Variants in SCN8A observed in about 807,000 individuals in gnomAD.
SCN8A encodes the protein sodium channel protein type 8 subunit alpha.
Under a neutral mutation model 184.1 loss-of-function variants are expected in SCN8A, and 30 were observed. The observed-to-expected ratio is 0.16, with a 90% CI of 0.12 to 0.22. The LOEUF (loss-of-function observed/expected upper bound fraction) is 0.22. Ranked by LOEUF, SCN8A falls within the 10% of genes least tolerant of loss-of-function variation. SCN8A has a pLI of 1.00. For missense variants in SCN8A, 1,057 were observed against 2,498.9 expected, an observed-to-expected ratio of 0.42 and a Z score of 12.30; for synonymous variants, 852 against 907.0, an observed-to-expected ratio of 0.94 and a Z score of 1.09.
intron 1 of SCN8A, among the ~76,000 whole-genome samples, chr12:51,643,806 A>T (rs1446995319): frequency 6.6e-6 from 1 of 152,266 alleles, no homozygotes; most frequent in East Asian, 1.9e-4. Flanking sequence ...CTTCCTGTCC[A>T]ACACAGAAAT....
chr12:51,697,900 G>C (rs1402108302), intron 6 of SCN8A, among the ~76,000 whole-genome samples: 1 of 152,222 alleles, frequency 6.6e-6, no homozygotes, highest in African/African-American at 2.4e-5. Context: ...CCAGGCTGGA[G>C]TGCAGTGGCG....
At chr12:51,636,986 A>T (rs113205832) in intron 1 of SCN8A, among the ~76,000 whole-genome samples, 1 of 151,838 alleles carries the variant, frequency 6.6e-6, no homozygotes, top group African/African-American at 2.4e-5. Context: ...TGTCGGGACC[A>T]TTTTTTCCAG....
chr12:51,651,568 A>ACCATCAGATCTCAGGAG (rs1289718376), intron 1 of SCN8A, among the ~76,000 whole-genome samples: 11 of 152,168 alleles, frequency 7.2e-5, no homozygotes, highest in African/African-American at 2.7e-4. Context: ...CCCTGATAAA[A>ACCATCAGATCTCAGGAG]CCATCAGATC....
At chr12:51,638,797 TCTAAC>T (rs1940376832) in intron 1 of SCN8A, among the ~76,000 whole-genome samples, 1 of 152,066 alleles carries the variant, frequency 6.6e-6, no homozygotes, top group African/African-American at 2.4e-5. Flanking sequence ...AAGGAGTTAT[TCTAAC>T]CCTCATGAAT....
chr12:51,635,448 G>T (rs1206454495), intron 1 of SCN8A, among the ~76,000 whole-genome samples: 1 of 143,436 alleles, frequency 7.0e-6, no homozygotes, highest in East Asian at 2.1e-4. Context: ...CTGACACATA[G>T]AAGGCACTGG....
At chr12:51,689,275 G>T in intron 6 of SCN8A, 179 bp downstream of exon 6, 1 of 595,718 alleles carries the variant, frequency 1.7e-6, no homozygotes, top group South Asian at 2.1e-5. Flanking sequence ...TTCTCTGAGT[G>T]CTTGCCAGGC....
chr12:51,792,806 G>C (rs549871693), intron 25 of SCN8A, among the ~76,000 whole-genome samples: 1 of 152,284 alleles, frequency 6.6e-6, no homozygotes, highest in South Asian at 2.1e-4. Flanking sequence ...GCAGTGGCGT[G>C]ATCTCGGCCC....
At chr12:51,609,682 G>T (rs961005966) in intron 1 of SCN8A, among the ~76,000 whole-genome samples, 1 of 152,092 alleles carries the variant, frequency 6.6e-6, no homozygotes, top group African/African-American at 2.4e-5. Flanking sequence ...CTGAGGTCAG[G>T]AGTTCGAGAT....
rs377600066 is a variant in SCN8A, at chr12:51,753,481, GA to G, written c.2370+1889del. ...ATTAAGTGTCTATTCACTGAGTGGAGATGCCAAATAAGGAAGTTGGGTACGT... is the reference window on the plus strand; with the variant it reads ...ATTAAGTGTCTATTCACTGAGTGGAGTGCCAAATAAGGAAGTTGGGTACGT... On this transcript the variant is annotated intron_variant, in intron 14 of 26. Transcript: ENST00000627620. 3.4e-4 allele frequency among the ~76,000 whole-genome samples: 52 copies of G among 152,338 alleles called. No individual in the cohort carries two copies. The South Asian group carries it at 0.01, about 30-fold the overall frequency.
Position 51,719,968 on chromosome 12 carries a change from C to T in SCN8A, c.1636-1578C>T, listed in dbSNP as rs374074330. ...GCGGGCGCCTGTAGTCCCAGCTACTCGGGAGGCTGAGGCAGGAGAATGGCG... is the reference window on the plus strand; with the variant it reads ...GCGGGCGCCTGTAGTCCCAGCTACTTGGGAGGCTGAGGCAGGAGAATGGCG... On this transcript the variant is annotated intron_variant, in intron 11 of 26. Coordinates refer to ENST00000627620, the MANE Select transcript of SCN8A (RefSeq NM_001330260.2). Among the ~76,000 whole-genome samples, 1,230 of 145,868 alleles carry T rather than the reference C, an allele frequency of 8.4e-3. 3 individuals carry two copies. Among genetic ancestry groups the T allele is most frequent in the African/African-American group, 0.029 (1,136 of 39,646 alleles).
chr12:51,759,222 T>A (rs936508372), intron 14 of SCN8A, among the ~76,000 whole-genome samples: 12 of 151,124 alleles, frequency 7.9e-5, no homozygotes, highest in African/African-American at 1.5e-4. Flanking sequence ...TATTAAAAAA[T>A]ATATATATAT....
chr12:51,750,552 G>T (rs983797328), intron 13 of SCN8A, among the ~76,000 whole-genome samples: 14 of 152,100 alleles, frequency 9.2e-5, no homozygotes, highest in Non-Finnish European at 1.8e-4. Flanking sequence ...ACTTGTTAAG[G>T]GTGGAGACAG....
intron 25 of SCN8A, among the ~76,000 whole-genome samples, chr12:51,793,933 C>T (rs549908966): frequency 2.4e-4 from 37 of 152,138 alleles, no homozygotes; most frequent in African/African-American, 8.9e-4. Context: ...TCACTTGAGG[C>T]CAGGAGTTCG....
intron 11 of SCN8A, chr12:51,713,546 G>T: frequency 1.4e-6 from 1 of 737,918 alleles, no homozygotes; most frequent in South Asian, 1.5e-5. Flanking sequence ...TCTTCCTGCC[G>T]GTGGCAATGT....
At chr12:51,593,041 T>A (rs1939265554) in intron 1 of SCN8A, among the ~76,000 whole-genome samples, 4 of 152,156 alleles carry the variant, frequency 2.6e-5, no homozygotes. Context: ...CTTGGGGGAA[T>A]CAGACTTAAA....
chr12:51,699,526 A>G (rs1592387795), intron 6 of SCN8A, 44 bp from the exon 7 acceptor site: 1 of 1,501,560 alleles, frequency 6.7e-7, no homozygotes, highest in Non-Finnish European at 9.1e-7. Context: ...GGAGGTGGGG[A>G]GGGCTTTGAG....
intron 26 of SCN8A, among the ~76,000 whole-genome samples, chr12:51,795,754 A>G (rs986281311): frequency 6.6e-6 from 1 of 152,152 alleles, no homozygotes; most frequent in Non-Finnish European, 1.5e-5. Flanking sequence ...TCCTACGGTA[A>G]AGAATTCTGG....
intron 13 of SCN8A, among the ~76,000 whole-genome samples, chr12:51,746,516 A>G (rs181444332): frequency 1.6e-4 from 24 of 152,300 alleles, no homozygotes; most frequent in African/African-American, 5.3e-4. Context: ...GATTGCACCT[A>G]GTTCTGTCTC....
intron 8 of SCN8A, among the ~76,000 whole-genome samples, chr12:51,701,802 G>A (rs1168108004): frequency 6.6e-6 from 1 of 152,162 alleles, no homozygotes; most frequent in East Asian, 1.9e-4. Context: ...CTTTATAAAT[G>A]TAGGGTGGTA....
Sources: allele counts gnomAD v4.1 joint callset (sites outside exome capture counted in the v4.1 genomes callset), GRCh38; gene constraint gnomAD v4.1.1; transcripts MANE v1.5; gene names NCBI Gene and HGNC (gene_info 2026-07-23, HGNC 2026-07-21).